Variants in MAPK10 observed in about 807,000 individuals in gnomAD.
MAPK10 encodes the protein JNK3 alpha protein kinase.
In MAPK10, 25 loss-of-function variants were observed where a neutral mutation model predicts 59.3. That is an observed-to-expected ratio of 0.42 (90% confidence interval 0.31 to 0.59). The LOEUF (loss-of-function observed/expected upper bound fraction) is 0.59, where lower values mean the gene tolerates loss of function less well. Ranked by LOEUF, MAPK10 falls within the 20% of genes least tolerant of loss-of-function variation. MAPK10 has a pLI of 0.15. For missense variants in MAPK10, 351 were observed against 568.9 expected, an observed-to-expected ratio of 0.62 and a Z score of 3.90; for synonymous variants, 190 against 200.5, an observed-to-expected ratio of 0.95 and a Z score of 0.44.
chr4:86,461,066 C>T (rs987363674), intron 1 of MAPK10, among the ~76,000 whole-genome samples: 1 of 151,576 alleles, frequency 6.6e-6, no homozygotes. Flanking sequence ...AAACCCAGGT[C>T]GAAGGGTCAT....
chr4:86,229,316 T>G (rs17011540), intron 2 of MAPK10, among the ~76,000 whole-genome samples: 8,209 of 152,270 alleles, frequency 0.054, 234 homozygotes, highest in East Asian at 0.076. Flanking sequence ...TGCTGAAATT[T>G]TGTTATAATA....
At chr4:86,112,651 G>T (rs1028337094) in intron 4 of MAPK10, among the ~76,000 whole-genome samples, 1 of 152,062 alleles carries the variant, frequency 6.6e-6, no homozygotes, top group Non-Finnish European at 1.5e-5. Flanking sequence ...ATTAATTTTA[G>T]GGTAAGTGCC....
intron 2 of MAPK10, among the ~76,000 whole-genome samples, chr4:86,353,188 G>C (rs970572947): frequency 6.6e-6 from 1 of 152,056 alleles, no homozygotes; most frequent in Non-Finnish European, 1.5e-5. Context: ...ACCTACCCAT[G>C]TAATAGCACT....
chr4:86,324,623 A>G (rs1174856027), intron 2 of MAPK10, among the ~76,000 whole-genome samples: 2 of 152,330 alleles, frequency 1.3e-5, no homozygotes, highest in African/African-American at 4.8e-5. Context: ...TCACATAATA[A>G]TCAGATAAAT....
At chr4:86,424,291 G>C (rs1231360198) in intron 1 of MAPK10, among the ~76,000 whole-genome samples, 1 of 152,096 alleles carries the variant, frequency 6.6e-6, no homozygotes, top group Non-Finnish European at 1.5e-5. Flanking sequence ...CCAGGTTCAA[G>C]CGATTCTCCT....
intron 4 of MAPK10, among the ~76,000 whole-genome samples, chr4:86,122,044 A>C (rs1371624494): frequency 6.6e-6 from 1 of 152,128 alleles, no homozygotes; most frequent in Non-Finnish European, 1.5e-5. Context: ...TCATGTTAAT[A>C]CAGTCTTTTT....
chr4:86,465,424 T>A (rs1168993555), intron 1 of MAPK10, among the ~76,000 whole-genome samples: 1 of 152,156 alleles, frequency 6.6e-6, no homozygotes, highest in African/African-American at 2.4e-5. Context: ...AATCTCTCCC[T>A]GAAACAGCAG....
intron 5 of MAPK10, 33 bp from the exon 6 acceptor site, chr4:86,103,277 G>T: frequency 1.9e-6 from 2 of 1,076,766 alleles, no homozygotes; most frequent in South Asian, 1.3e-5. Flanking sequence ...GAGGAAACGA[G>T]AGAAAGAAAA....
intron 2 of MAPK10, among the ~76,000 whole-genome samples, chr4:86,275,328 A>T (rs2148782129): frequency 6.6e-6 from 1 of 152,162 alleles, no homozygotes; most frequent in East Asian, 1.9e-4. Context: ...TGTAAAGAAG[A>T]TCTCAACTCA....
At chr4:86,359,248 T>A (rs1209142190) in intron 1 of MAPK10, among the ~76,000 whole-genome samples, 3 of 138,214 alleles carry the variant, frequency 2.2e-5, no homozygotes, top group South Asian at 5.0e-4. Flanking sequence ...CACAGCTGTT[T>A]GGTGTTTTTT....
At chr4:86,554,111 G>A (rs1565034511) in intron 1 of MAPK10, among the ~76,000 whole-genome samples, 2 of 151,874 alleles carry the variant, frequency 1.3e-5, no homozygotes, top group East Asian at 3.9e-4. Context: ...GCCTTTAACG[G>A]GAAAGATTTG....
chr4:86,498,277 T>C (rs1280124687), intron 1 of MAPK10, among the ~76,000 whole-genome samples: 1 of 152,238 alleles, frequency 6.6e-6, no homozygotes, highest in African/African-American at 2.4e-5. Flanking sequence ...AATGGCTATT[T>C]CTGGTGCAGT....
chr4:86,261,669 C>T (rs2093986844), intron 2 of MAPK10, among the ~76,000 whole-genome samples: 2 of 152,212 alleles, frequency 1.3e-5, no homozygotes, highest in East Asian at 3.9e-4. Flanking sequence ...TGATAAATAC[C>T]TGATAGGGAT....
At chr4:86,546,781 C>T (rs187745457) in intron 1 of MAPK10, among the ~76,000 whole-genome samples, 2 of 152,028 alleles carry the variant, frequency 1.3e-5, no homozygotes, top group East Asian at 1.9e-4. Context: ...AGGGGCTGGG[C>T]GGGGTGGCTC....
chr4:86,520,330 T>C (rs1042843737), intron 1 of MAPK10, among the ~76,000 whole-genome samples: 3 of 152,218 alleles, frequency 2.0e-5, no homozygotes, highest in Non-Finnish European at 2.9e-5. Flanking sequence ...TTCTTTGTCA[T>C]TGTTGAATTG....
At chr4:86,488,215 G>C (rs1754166762) in intron 1 of MAPK10, among the ~76,000 whole-genome samples, 1 of 152,062 alleles carries the variant, frequency 6.6e-6, no homozygotes, top group South Asian at 2.1e-4. Flanking sequence ...TCTCATTAAG[G>C]CTCTAGCAAG....
chr4:86,063,075 T>C (rs1020357775), intron 11 of MAPK10, among the ~76,000 whole-genome samples: 5 of 152,176 alleles, frequency 3.3e-5, no homozygotes, highest in African/African-American at 4.8e-5. Flanking sequence ...GGGAGATTCA[T>C]TAATCACTTA....
chr4:86,160,645 C>T (rs529447914), intron 3 of MAPK10: 2 of 151,682 alleles, frequency 1.3e-5, no homozygotes, highest in Non-Finnish European at 2.9e-5. Flanking sequence ...CATTCCCACG[C>T]AATGAATAAT....
In MAPK10 at chr4:86,109,873, C is replaced by T. The variant is rs536024339; in HGVS notation, c.237-2521G>A. Reference sequence around the variant, plus strand: ...CCAACAGTGTAAAAGCATCCCTATCCGCAGCCTTGCCAGCATCTGTTTCTT... The same window carrying T: ...CCAACAGTGTAAAAGCATCCCTATCTGCAGCCTTGCCAGCATCTGTTTCTT... On this transcript the variant is annotated intron_variant, in intron 4 of 13. Transcript: ENST00000641462. Among the ~76,000 whole-genome samples the T allele has an allele frequency of 3.9e-5, 6 of 152,018 alleles. No individual in the cohort carries two copies. In the South Asian group the frequency reaches 6.2e-4, roughly 16 times the overall value.
Sources: allele counts gnomAD v4.1 joint callset (sites outside exome capture counted in the v4.1 genomes callset), GRCh38; gene constraint gnomAD v4.1.1; transcripts MANE v1.5; gene names NCBI Gene and HGNC (gene_info 2026-07-23, HGNC 2026-07-21).